The following CDH18 variants were observed in gnomAD, a reference collection of about 807,000 sequenced individuals.
CDH18 encodes cadherin-18.
In CDH18, 31 loss-of-function variants were observed where a neutral mutation model predicts 67.9. The ratio of observed to expected loss-of-function variants is 0.46; its 90% CI spans 0.34 to 0.62. The LOEUF is 0.62. Among genes scored for constraint, CDH18 ranks in the 20% least tolerant of loss-of-function variants. The pLI is 0.01. For synonymous variants in CDH18, 362 were observed against 347.2 expected, an observed-to-expected ratio of 1.04 and a Z score of -0.48; for missense variants, 890 against 975.5, an observed-to-expected ratio of 0.91 and a Z score of 1.17.
chr5:20,406,455 A>C (rs993943008), intron 1 of CDH18, among the ~76,000 whole-genome samples: 19 of 151,990 alleles, frequency 1.3e-4, no homozygotes, highest in Admixed American at 6.6e-4. Context: ...GAGGGATAGC[A>C]TTAGGAAATA....
At chr5:20,293,348 G>C (rs1747247999) in intron 1 of CDH18, among the ~76,000 whole-genome samples, 1 of 151,810 alleles carries the variant, frequency 6.6e-6, no homozygotes, top group Non-Finnish European at 1.5e-5. Context: ...AACAAAAACT[G>C]TTCAGAGTGG....
intron 5 of CDH18, among the ~76,000 whole-genome samples, chr5:19,660,361 G>T (rs1178578079): frequency 6.6e-6 from 1 of 152,244 alleles, no homozygotes; most frequent in East Asian, 1.9e-4. Context: ...CACTGAGAGT[G>T]AATAATAAAG....
chr5:20,501,450 T>A (rs973732914), intron 1 of CDH18, among the ~76,000 whole-genome samples: 1 of 103,926 alleles, frequency 9.6e-6, no homozygotes. Flanking sequence ...ATACATATAT[T>A]TTATATACAT....
intron 3 of CDH18, among the ~76,000 whole-genome samples, chr5:19,779,679 T>C (rs530598762): frequency 6.6e-6 from 1 of 152,246 alleles, no homozygotes; most frequent in South Asian, 2.1e-4. Flanking sequence ...TACACCAACA[T>C]CCCAGTGGGT....
rs980273424 is a variant in CDH18, at chr5:20,304,791, C to T, written c.-579-49286G>A. ...TTGTTGAGCCAACAAGGGAAGGAGA[C>T]CGTGTTTCAGCCGCAGCTTTGTTAG... is the stretch of plus-strand genomic sequence containing the variant. On this transcript the variant is annotated intron_variant, in intron 1 of 14. Transcript: ENST00000507958. The T allele has an allele frequency of 4.3e-6, 7 of 1,610,768 alleles. No homozygotes were observed. In the East Asian group the frequency reaches 1.6e-4, roughly 36 times the overall value.
intron 1 of CDH18, among the ~76,000 whole-genome samples, chr5:20,336,199 C>T (rs1561982944): frequency 2.0e-5 from 3 of 152,098 alleles, no homozygotes; most frequent in Non-Finnish European, 1.5e-5. Context: ...ACAAATGATG[C>T]CCCCTCTCAG....
intron 8 of CDH18, among the ~76,000 whole-genome samples, chr5:19,567,747 C>A (rs1421519094): frequency 6.6e-6 from 1 of 152,066 alleles, no homozygotes; most frequent in African/African-American, 2.4e-5. Flanking sequence ...CTAACCAAAA[C>A]AAAGCAGAAA....
chr5:20,431,495 A>G (rs969527259), intron 1 of CDH18, among the ~76,000 whole-genome samples: 7 of 142,724 alleles, frequency 4.9e-5, no homozygotes, highest in African/African-American at 1.8e-4. Context: ...CTCAAAAAAA[A>G]AAAAAAAAAA....
In CDH18 at chr5:19,832,483, A is replaced by G. The variant is rs554515206; in HGVS notation, c.228+6276T>C. 8.9e-4 allele frequency among the ~76,000 whole-genome samples: 135 copies of G among 152,204 alleles called. 1 individual carries two copies. The highest frequency in any genetic ancestry group is 3.0e-3 in the African/African-American group (126 of 41,568). ...TCTGTGACAGGGAGGAATAGAAAAG[A>G]TACTTCTCAGCTTTTTGGAGTTATC... is the stretch of plus-strand genomic sequence containing the variant. On this transcript the variant is annotated intron_variant, in intron 3 of 12. Transcript: ENST00000382275.
At chr5:20,552,222 A>T (rs1168830756) in intron 1 of CDH18, among the ~76,000 whole-genome samples, 1 of 152,058 alleles carries the variant, frequency 6.6e-6, no homozygotes, top group Non-Finnish European at 1.5e-5. Context: ...CATGCCTATA[A>T]TAACAGCACT....
At chr5:19,562,257 A>C (rs1249317982) in intron 8 of CDH18, among the ~76,000 whole-genome samples, 1 of 152,168 alleles carries the variant, frequency 6.6e-6, no homozygotes, top group Admixed American at 6.6e-5. Context: ...CTTTGTTTTC[A>C]AAAGTTTAAA....
At chr5:20,265,525 T>C (rs1744966666) in intron 1 of CDH18, among the ~76,000 whole-genome samples, 1 of 151,898 alleles carries the variant, frequency 6.6e-6, no homozygotes, top group Admixed American at 6.6e-5. Flanking sequence ...AGGGGCAATG[T>C]AAAAGATTAT....
At chr5:19,558,057 A>G (rs1580198019) in intron 8 of CDH18, among the ~76,000 whole-genome samples, 1 of 152,140 alleles carries the variant, frequency 6.6e-6, no homozygotes, top group Non-Finnish European at 1.5e-5. Context: ...TGAGACAACA[A>G]TGAAATGAAA....
chr5:19,647,053 A>T (rs1754857426), intron 5 of CDH18, among the ~76,000 whole-genome samples: 1 of 152,182 alleles, frequency 6.6e-6, no homozygotes, highest in Non-Finnish European at 1.5e-5. Context: ...AGATTTTAGC[A>T]TATTTAAAAC....
chr5:19,644,539 C>T (rs1300085315), intron 5 of CDH18, among the ~76,000 whole-genome samples: 1 of 152,090 alleles, frequency 6.6e-6, no homozygotes, highest in East Asian at 1.9e-4. Context: ...AACAGTTGTT[C>T]CTTCCCCTTG....
chr5:19,862,327 TTTA>T (rs1784992464), intron 2 of CDH18, among the ~76,000 whole-genome samples: 1 of 152,264 alleles, frequency 6.6e-6, no homozygotes, highest in South Asian at 2.1e-4. Flanking sequence ...TGCACTATAT[TTTA>T]TTATCTCAAA....
chr5:19,574,509 A>G (rs1020939641), intron 7 of CDH18, among the ~76,000 whole-genome samples: 2 of 152,152 alleles, frequency 1.3e-5, no homozygotes, highest in African/African-American at 4.8e-5. Flanking sequence ...CGGTACAGGG[A>G]AACTGTGAGA....
intron 6 of CDH18, among the ~76,000 whole-genome samples, chr5:19,595,993 G>C (rs960988893): frequency 1.3e-5 from 2 of 152,148 alleles, no homozygotes; most frequent in Non-Finnish European, 2.9e-5. Flanking sequence ...CCTTGATTCT[G>C]TGAATTGGCA....
intron 2 of CDH18, among the ~76,000 whole-genome samples, chr5:20,216,332 C>T (rs1740767249): frequency 6.6e-6 from 1 of 151,820 alleles, no homozygotes; most frequent in African/African-American, 2.4e-5. Flanking sequence ...TTGTATAAAA[C>T]AATATCTGTG....
Sources: gnomAD v4.1 joint callset for allele counts (sites outside exome capture counted in the v4.1 genomes callset) on GRCh38, gnomAD v4.1.1 for gene constraint, MANE v1.5 for transcripts, NCBI Gene and HGNC (gene_info 2026-07-23, HGNC 2026-07-21) for gene names.